RNF128: variants seen among roughly 807,000 people sequenced by gnomAD.
RNF128 encodes the protein ring finger protein 128, also known as E3 ubiquitin-protein ligase RNF128.
A neutral mutation model predicts 26.2 loss-of-function variants in RNF128; 13 were observed. That is an observed-to-expected ratio of 0.50 (90% CI 0.32 to 0.79). The LOEUF (loss-of-function observed/expected upper bound fraction) is 0.79, where lower values mean the gene tolerates loss of function less well. Among genes scored for constraint, RNF128 ranks in the 30% least tolerant of loss-of-function variants. RNF128 has a pLI of 0.03. For missense variants in RNF128, 315 were observed against 349.7 expected (o/e 0.90, Z 0.79); for synonymous variants, 149 against 142.5 (o/e 1.05, Z -0.32).
Position 106,727,180 on chromosome X carries a change from G to T in RNF128, c.267G>T (p.Gly89=). ...PVAGVLVPPD[G]PGALNACNPH... ...CTGGGGTCCTGGTACCGCCCGACGGGCCCGGGGCGCTTAACGCCTGTAACC... is the reference window on the plus strand; with the variant it reads ...CTGGGGTCCTGGTACCGCCCGACGGTCCCGGGGCGCTTAACGCCTGTAACC... The change falls in exon 1 of 7, where the codon GGG becomes GGT. Residue 89 remains glycine (G), a synonymous_variant. Transcript: ENST00000255499. The T allele has an allele frequency of 8.3e-7, 1 of 1,211,208 alleles. No individual in the cohort carries two copies. Among genetic ancestry groups the T allele is most frequent in the Non-Finnish European group, 1.1e-6 (1 of 895,298 alleles).
At chrX:106,693,987 C>T (rs1292865709) in exon 1 of RNF128, 3 of 1,168,122 alleles carry the variant, frequency 2.6e-6, no homozygotes, top group African/African-American at 1.8e-5. Context: ...AAATTTTATA[C>T]TCAAATGAAT....
intron 1 of RNF128, among the ~76,000 whole-genome samples, chrX:106,758,704 G>C (rs1208777693): frequency 8.9e-6 from 1 of 111,739 alleles, no homozygotes; most frequent in Non-Finnish European, 1.9e-5. Flanking sequence ...TCCGATTAAT[G>C]CTGCTGGCAA....
intron 1 of RNF128, among the ~76,000 whole-genome samples, chrX:106,716,968 C>T (rs759267543): frequency 9.1e-6 from 1 of 110,216 alleles, no homozygotes; most frequent in Non-Finnish European, 1.9e-5. Flanking sequence ...TTTGGGAGGC[C>T]GAGGCGGGCA....
rs1930722506 is a variant in RNF128 at position 106,788,447 on chromosome X, T to TATATATAA, written c.887+447_887+448insATATATAA. 8.7e-5 allele frequency among the ~76,000 whole-genome samples: 4 copies of TATATATAA among 46,113 alleles called. No individual in the cohort carries two copies. In the Admixed American group the frequency reaches 1.3e-3, roughly 15 times the overall value. 40.0% of individuals were successfully genotyped at this position (46,113 alleles called of 115,157 possible). A position where few individuals can be genotyped will look rare whatever the true frequency, so the allele number is the denominator to read the frequency against. On this transcript the variant is annotated intron_variant, in intron 4 of 6. Transcript: ENST00000255499. ...TATATTATATATAATATTATTATAA[T>TATATATAA]TATAATATATATAATATTATTATAA...
At position 106,772,860 on chromosome X, in the gene RNF128, A is replaced by G. The variant is rs1339175978; in HGVS notation, c.485-53A>G. 4.4e-6 allele frequency: 5 copies of G among 1,145,933 alleles called. No individual in the cohort carries two copies. In the South Asian group the frequency reaches 1.0e-4, roughly 23 times the overall value. The allele number at this position is 1,145,933 out of a possible 1,213,427, so 94.4% of individuals were successfully genotyped here. A position where few individuals can be genotyped will look rare whatever the true frequency, so the allele number is the denominator to read the frequency against. On this transcript the variant is annotated intron_variant, in intron 1 of 6. Coordinates refer to ENST00000255499, the MANE Select transcript of RNF128 (RefSeq NM_194463.2). ...TTAAAATCATTTTAGCAATTGGGTT[A>G]TTATACTAAGAATGTTTCACCAAAC...
Position 106,694,370 on chromosome X carries a change from CAG to C in RNF128, c.372_373del (p.Glu124AspfsTer102). 1 of 1,200,220 alleles carries C rather than the reference CAG, an allele frequency of 8.3e-7. No homozygotes were observed. The highest frequency in any genetic ancestry group is 1.8e-5 in the South Asian group (1 of 54,071). The stretch of plus-strand genomic sequence containing the variant: ...GATGCTGTTGTGATTTACAATGCTC[CAG>C]AGACTGGCAATCAGACGATACAGAT... On this transcript the variant is annotated frameshift_variant, in exon 1 of 7. Coordinates refer to the RNF128 transcript ENST00000324342. LOFTEE classifies it high-confidence loss of function.
chrX:106,780,244 G>T (rs1452534515), intron 2 of RNF128, among the ~76,000 whole-genome samples: 2 of 111,543 alleles, frequency 1.8e-5, no homozygotes, highest in Non-Finnish European at 3.8e-5. Flanking sequence ...TGGATATAAA[G>T]ACACCAGTGA....
chrX:106,788,661 T>G (rs1371995728), intron 4 of RNF128, among the ~76,000 whole-genome samples: 26 of 65,422 alleles, frequency 4.0e-4, no homozygotes, highest in African/African-American at 1.6e-3. Flanking sequence ...TAATTATATA[T>G]ACTATATAAT....
intron 1 of RNF128, among the ~76,000 whole-genome samples, chrX:106,752,632 C>G (rs1196919338): frequency 8.9e-6 from 1 of 112,129 alleles, no homozygotes; most frequent in Non-Finnish European, 1.9e-5. Context: ...TAATACCTAT[C>G]TCTTCAGTGC....
intron 1 of RNF128, among the ~76,000 whole-genome samples, chrX:106,710,380 A>C (rs1379753239): frequency 8.9e-6 from 1 of 112,487 alleles, no homozygotes; most frequent in Admixed American, 9.4e-5. Context: ...AGAGAACTAC[A>C]GTTTATTGAG....
At chrX:106,772,578 T>G (rs1174784743) in intron 1 of RNF128, among the ~76,000 whole-genome samples, 1 of 111,509 alleles carries the variant, frequency 9.0e-6, no homozygotes, top group Non-Finnish European at 1.9e-5. Flanking sequence ...TGGGGGACTA[T>G]TTGTCTTTAA....
intron 1 of RNF128, among the ~76,000 whole-genome samples, chrX:106,744,222 A>G (rs1203806213): frequency 9.0e-6 from 1 of 111,536 alleles, no homozygotes; most frequent in Non-Finnish European, 1.9e-5. Context: ...CACGTTGTGC[A>G]CATGTACCCT....
intron 1 of RNF128, among the ~76,000 whole-genome samples, 197 bp downstream of exon 1, chrX:106,727,594 CCT>C (rs1929427959): frequency 9.0e-6 from 1 of 110,559 alleles, no homozygotes; most frequent in Admixed American, 9.6e-5. Flanking sequence ...CCTTCATTTG[CCT>C]CTCTGGTGGA....
Position 106,772,334 on chromosome X carries a change from G to A in RNF128, c.485-579G>A, listed in dbSNP as rs187943633. Among the ~76,000 whole-genome samples the A allele has an allele frequency of 2.1e-3, 236 of 111,415 alleles. 3 individuals carry two copies. Among genetic ancestry groups the A allele is most frequent in the African/African-American group, 7.3e-3 (225 of 30,703 alleles). On this transcript the variant is annotated intron_variant, in intron 1 of 6. Coordinates refer to ENST00000255499, the MANE Select transcript of RNF128 (RefSeq NM_194463.2). ...TGTGTAAAACCTTAGAACACCTTGA[G>A]CAAATTTTATATTGCTTTTGAGGAT...
intron 1 of RNF128, among the ~76,000 whole-genome samples, chrX:106,744,052 A>G (rs1240741543): frequency 2.8e-5 from 3 of 107,053 alleles, no homozygotes; most frequent in African/African-American, 1.0e-4. Context: ...GAATTGAACA[A>G]TGAGAACACT....
rs762207107 is a variant in RNF128, at chrX:106,764,583, C to G, written c.485-8330C>G. Among the ~76,000 whole-genome samples the G allele has an allele frequency of 1.8e-4, 20 of 110,221 alleles. No individual in the cohort carries two copies. In the South Asian group the frequency reaches 8.0e-3, roughly 44 times the overall value. ...TCGGGAGGCTGAAGCAGGAGAATCACTTGAACCCAGGAGGCAGAGGTTGCA... is the reference window on the plus strand; with the variant it reads ...TCGGGAGGCTGAAGCAGGAGAATCAGTTGAACCCAGGAGGCAGAGGTTGCA... On this transcript the variant is annotated intron_variant, in intron 1 of 6. Transcript: ENST00000255499.
At chrX:106,703,717 G>T (rs1045573389) in intron 1 of RNF128, among the ~76,000 whole-genome samples, 3 of 111,218 alleles carry the variant, frequency 2.7e-5, no homozygotes, top group African/African-American at 9.8e-5. Context: ...AAATTGTAAA[G>T]GTCAGAGTGT....
intron 1 of RNF128, among the ~76,000 whole-genome samples, chrX:106,706,375 C>T (rs1423079507): frequency 7.5e-5 from 8 of 105,969 alleles, no homozygotes; most frequent in African/African-American, 3.0e-4. Context: ...CAAATAAATG[C>T]TTCCTTATGT....
intron 1 of RNF128, among the ~76,000 whole-genome samples, chrX:106,763,822 T>A (rs1040223961): frequency 1.8e-5 from 2 of 109,572 alleles, no homozygotes; most frequent in Non-Finnish European, 3.8e-5. Context: ...TCAGGTTTTT[T>A]AATAGTTGGA....
Sources: gnomAD v4.1 joint callset for allele counts (sites outside exome capture counted in the v4.1 genomes callset) on GRCh38, gnomAD v4.1.1 for gene constraint, MANE v1.5 for transcripts, NCBI Gene and HGNC (gene_info 2026-07-23, HGNC 2026-07-21) for gene names.